Variants in GALNT13 observed in about 807,000 individuals in gnomAD.
GALNT13 encodes polypeptide N-acetylgalactosaminyltransferase 13, also known as UDP-GalNAc:polypeptide N-acetylgalactosaminyltransferase 13.
In GALNT13, 28 loss-of-function variants were observed where a neutral mutation model predicts 64.2. The observed-to-expected ratio is 0.44, with a 90% CI of 0.32 to 0.60. The LOEUF (loss-of-function observed/expected upper bound fraction) is 0.60. Among genes scored for constraint, GALNT13 ranks in the 20% least tolerant of loss-of-function variants. The pLI, the probability that GALNT13 is intolerant of heterozygous loss-of-function variation, is 0.05. For synonymous variants in GALNT13, 214 were observed against 224.6 expected, an observed-to-expected ratio of 0.95 and a Z score of 0.42; for missense variants, 577 against 669.8, an observed-to-expected ratio of 0.86 and a Z score of 1.53.
the GALNT13 span, among the ~76,000 whole-genome samples, chr2:153,710,924 G>A: frequency 6.6e-6 from 1 of 151,814 alleles, no homozygotes; most frequent in Admixed American, 6.6e-5. Context: ...CTACCCTTCA[G>A]TACATTTTTT....
chr2:153,845,457 T>C, the GALNT13 span, among the ~76,000 whole-genome samples: 1 of 152,166 alleles, frequency 6.6e-6, no homozygotes, highest in African/African-American at 2.4e-5. Flanking sequence ...CATCTGATCT[T>C]ACGTGAATGA....
At chr2:154,145,088 C>CTATATA (rs1231342170) in intron 4 of GALNT13, among the ~76,000 whole-genome samples, 11 of 121,232 alleles carry the variant, frequency 9.1e-5, no homozygotes, top group African/African-American at 1.5e-4. Context: ...ATCTATCTAT[C>CTATATA]TATCTATCTA....
intron 4 of GALNT13, among the ~76,000 whole-genome samples, chr2:154,190,871 T>C (rs566689779): frequency 1.0e-3 from 159 of 152,382 alleles, no homozygotes; most frequent in African/African-American, 3.6e-3. Context: ...ATGATTGCTT[T>C]CAACACTTAA....
chr2:154,346,739 T>C (rs1314202810), intron 9 of GALNT13, among the ~76,000 whole-genome samples: 1 of 152,094 alleles, frequency 6.6e-6, no homozygotes, highest in East Asian at 1.9e-4. Flanking sequence ...TACATATCAC[T>C]AATAATATCC....
At chr2:154,041,884 A>G (rs550223539) in intron 3 of GALNT13, among the ~76,000 whole-genome samples, 3 of 140,102 alleles carry the variant, frequency 2.1e-5, no homozygotes, top group Non-Finnish European at 3.3e-5. Flanking sequence ...TTTCTGTGCA[A>G]TCTGTTACAC....
At chr2:153,984,048 CT>C (rs1694637831) in intron 3 of GALNT13, among the ~76,000 whole-genome samples, 1 of 145,356 alleles carries the variant, frequency 6.9e-6, no homozygotes, top group South Asian at 2.3e-4. Context: ...TAATAAAATT[CT>C]TCTTAAGTGA....
At chr2:153,579,603 T>C in the GALNT13 span, among the ~76,000 whole-genome samples, 1 of 152,156 alleles carries the variant, frequency 6.6e-6, no homozygotes, top group Non-Finnish European at 1.5e-5. Context: ...CATGAATGTT[T>C]CCAAATTTAT....
chr2:153,240,440 C>T, the GALNT13 span, among the ~76,000 whole-genome samples: 1 of 152,000 alleles, frequency 6.6e-6, no homozygotes, highest in Non-Finnish European at 1.5e-5. Flanking sequence ...CAGGATTGCT[C>T]TTGTGGCTAC....
At chr2:154,429,067 A>G (rs1700597355) in intron 11 of GALNT13, among the ~76,000 whole-genome samples, 1 of 152,050 alleles carries the variant, frequency 6.6e-6, no homozygotes, top group Admixed American at 6.6e-5. Flanking sequence ...GCCATTCCCT[A>G]TCTCTCGCTC....
At chr2:154,378,690 G>A (rs1022611572) in intron 9 of GALNT13, among the ~76,000 whole-genome samples, 79 of 151,804 alleles carry the variant, frequency 5.2e-4, no homozygotes, top group African/African-American at 1.5e-3. Context: ...TCGACTCTTC[G>A]GCTCTGCTTC....
At chr2:153,713,937 C>A in the GALNT13 span, among the ~76,000 whole-genome samples, 1 of 152,166 alleles carries the variant, frequency 6.6e-6, no homozygotes, top group Non-Finnish European at 1.5e-5. Flanking sequence ...TCCTGGAGAG[C>A]AACATCCCTG....
chr2:154,071,147 T>G (rs1187978089), intron 3 of GALNT13, among the ~76,000 whole-genome samples: 1 of 152,190 alleles, frequency 6.6e-6, no homozygotes, highest in Non-Finnish European at 1.5e-5. Context: ...TCAAAAATCT[T>G]TTCTGATTCA....
chr2:154,377,918 A>G (rs948853407), intron 9 of GALNT13, among the ~76,000 whole-genome samples: 1 of 152,160 alleles, frequency 6.6e-6, no homozygotes, highest in Admixed American at 6.6e-5. Context: ...TTTTGATCAT[A>G]TGATGCTGTG....
chr2:153,296,321 A>G, the GALNT13 span, among the ~76,000 whole-genome samples: 8 of 152,298 alleles, frequency 5.3e-5, no homozygotes, highest in African/African-American at 1.9e-4. Flanking sequence ...TAGTGAATAG[A>G]AGGCTACCTG....
chr2:153,799,328 C>T, the GALNT13 span, among the ~76,000 whole-genome samples: 1 of 152,172 alleles, frequency 6.6e-6, no homozygotes, highest in Non-Finnish European at 1.5e-5. Flanking sequence ...CTTGGAACTT[C>T]TTCAAGTGCT....
At chr2:154,176,638 C>T (rs893080467) in intron 4 of GALNT13, among the ~76,000 whole-genome samples, 4 of 151,964 alleles carry the variant, frequency 2.6e-5, no homozygotes, top group Admixed American at 2.0e-4. Context: ...GTTTATGGTA[C>T]ATATTTATTA....
At chr2:153,399,583 A>G in the GALNT13 span, among the ~76,000 whole-genome samples, 2 of 151,566 alleles carry the variant, frequency 1.3e-5, no homozygotes, top group African/African-American at 2.4e-5. Context: ...ATTTGTTTGT[A>G]TCCTCTTTTA....
intron 7 of GALNT13, among the ~76,000 whole-genome samples, chr2:154,251,489 A>G (rs938462758): frequency 1.3e-5 from 2 of 152,204 alleles, no homozygotes; most frequent in South Asian, 4.1e-4. Flanking sequence ...TCATTTGCCC[A>G]TACTAAGCAG....
the GALNT13 span, among the ~76,000 whole-genome samples, chr2:153,264,094 CA>C: frequency 6.6e-6 from 1 of 151,944 alleles, no homozygotes; most frequent in African/African-American, 2.4e-5. Flanking sequence ...CTTAAATTTA[CA>C]AGAGAAAATC....
Sources: gnomAD v4.1 joint callset for allele counts (sites outside exome capture counted in the v4.1 genomes callset) on GRCh38, gnomAD v4.1.1 for gene constraint, MANE v1.5 for transcripts, NCBI Gene and HGNC (gene_info 2026-07-23, HGNC 2026-07-21) for gene names.